The following MTM1 variants were observed in gnomAD, a reference collection of about 807,000 sequenced individuals.
MTM1 encodes myotubularin 1, also known as myotubularin.
In MTM1, 9 loss-of-function variants were observed where a neutral mutation model predicts 52.1. The ratio of observed to expected loss-of-function variants is 0.17; its 90% CI spans 0.10 to 0.30. The LOEUF is 0.30. Ranked by LOEUF, MTM1 falls within the 10% of genes least tolerant of loss-of-function variation. The pLI is 1.00. For synonymous variants in MTM1, 136 were observed against 163.8 expected, an observed-to-expected ratio of 0.83 and a Z score of 1.29; for missense variants, 277 against 470.7, an observed-to-expected ratio of 0.59 and a Z score of 3.81.
intron 10 of MTM1, among the ~76,000 whole-genome samples, chrX:150,656,341 A>C (rs1430598585): frequency 1.8e-5 from 2 of 111,165 alleles, no homozygotes; most frequent in East Asian, 5.6e-4. Flanking sequence ...GGACACAGAC[A>C]CACACACACA....
intron 1 of MTM1, among the ~76,000 whole-genome samples, chrX:150,589,025 G>T (rs1250240388): frequency 8.9e-6 from 1 of 112,016 alleles, no homozygotes; most frequent in Non-Finnish European, 1.9e-5. Flanking sequence ...TACAGGTGCT[G>T]TAAATAAATA....
chrX:150,645,570 G>T (rs1340707931), intron 8 of MTM1, 113 bp from the exon 9 acceptor site: 9 of 696,307 alleles, frequency 1.3e-5, no homozygotes, highest in Non-Finnish European at 2.0e-5. Context: ...TTCTATTTTA[G>T]CACAATCAGA....
chrX:150,671,503 C>T lies in MTM1; in HGVS notation c.1720C>T (p.Leu574=). Residue 574 remains leucine (L), a synonymous_variant, in exon 15 of 15, where the codon CTG becomes TTG. Coordinates refer to ENST00000370396, the MANE Select transcript of MTM1 (RefSeq NM_000252.3). ...RDEYIKRLEE[L]QLANSAKLSD... ...CGAATACATAAAGCGGCTTGAGGAA[C>T]TGCAGCTCGCCAACTCTGCCAAGCT... 1 of 1,211,073 alleles carries T rather than the reference C, an allele frequency of 8.3e-7. No individual in the cohort carries two copies. The highest frequency in any genetic ancestry group is 1.1e-6 in the Non-Finnish European group (1 of 895,336).
chrX:150,616,444 A>G (rs2039386776), intron 5 of MTM1, among the ~76,000 whole-genome samples: 1 of 111,899 alleles, frequency 8.9e-6, no homozygotes, highest in East Asian at 2.8e-4. Flanking sequence ...TTTCGCCTGC[A>G]GTCAATAACC....
At chrX:150,661,929 G>A (rs1174119379) in intron 13 of MTM1, among the ~76,000 whole-genome samples, 1 of 111,890 alleles carries the variant, frequency 8.9e-6, no homozygotes, top group Non-Finnish European at 1.9e-5. Context: ...TGTTCTCACT[G>A]CAAAAAAAAT....
intron 8 of MTM1, among the ~76,000 whole-genome samples, chrX:150,642,477 C>T (rs1366135947): frequency 8.9e-6 from 1 of 111,925 alleles, no homozygotes; most frequent in Non-Finnish European, 1.9e-5. Context: ...CTTGCTTCTC[C>T]AGTTAGTAGT....
chrX:150,592,457 G>A (rs1364203599), intron 1 of MTM1, 148 bp from the exon 2 acceptor site: 1 of 476,118 alleles, frequency 2.1e-6, no homozygotes, highest in East Asian at 3.7e-5. Flanking sequence ...TCGTTTGTAT[G>A]TCTTATTACC....
At chrX:150,615,312 G>A (rs1196362361) in intron 5 of MTM1, among the ~76,000 whole-genome samples, 19 of 111,547 alleles carry the variant, frequency 1.7e-4, no homozygotes, top group African/African-American at 5.9e-4. Flanking sequence ...GACCCAAAAG[G>A]TGGGGATGTG....
intron 13 of MTM1, 133 bp downstream of exon 13, chrX:150,660,617 T>C: frequency 2.0e-6 from 1 of 491,865 alleles, no homozygotes; most frequent in Admixed American, 3.0e-5. Context: ...ACATTAAAGG[T>C]ATGCATTTTG....
intron 10 of MTM1, among the ~76,000 whole-genome samples, chrX:150,657,477 G>A (rs782108759): frequency 1.1e-5 from 1 of 92,519 alleles, no homozygotes; most frequent in South Asian, 7.0e-4. Flanking sequence ...CCTGTTGTGG[G>A]GTGGGGGGAG....
chrX:150,625,976 G>A (rs1430288181), intron 6 of MTM1, among the ~76,000 whole-genome samples: 2 of 112,804 alleles, frequency 1.8e-5, no homozygotes, highest in Non-Finnish European at 3.7e-5. Flanking sequence ...TGCATGCAAA[G>A]GATGGAAGCA....
At chrX:150,562,756 G>A in the MTM1 span, among the ~76,000 whole-genome samples, 1 of 111,704 alleles carries the variant, frequency 9.0e-6, no homozygotes, top group Admixed American at 9.5e-5. Context: ...TGACCAGCGG[G>A]GCCTCCTCAA....
intron 1 of MTM1, among the ~76,000 whole-genome samples, chrX:150,587,175 AG>A (rs1395389442): frequency 9.0e-6 from 1 of 110,718 alleles, no homozygotes; most frequent in African/African-American, 3.3e-5. Flanking sequence ...GTGGGCGCAT[AG>A]TGGCATTTTG....
In MTM1 at chrX:150,663,561, A is replaced by G. The variant is rs782798100; in HGVS notation, c.1596A>G (p.Glu532=). The G allele has an allele frequency of 8.3e-7, 1 of 1,209,439 alleles. No homozygotes were observed. Among genetic ancestry groups the G allele is most frequent in the Non-Finnish European group, 1.1e-6 (1 of 895,049 alleles). ...LYPVASMRHL[E]LWVNYYIRWN... ...CAGTTGCCAGTATGCGTCACTTGGA[A>G]CTCTGGGTGAATTACTACATTAGAT... Residue 532 remains glutamate, a synonymous_variant, in exon 14 of 15, where the codon GAA becomes GAG. Coordinates refer to ENST00000370396, the MANE Select transcript of MTM1 (RefSeq NM_000252.3).
chrX:150,573,826 A>C (rs2038420730), intron 1 of MTM1, among the ~76,000 whole-genome samples: 1 of 112,289 alleles, frequency 8.9e-6, no homozygotes, highest in African/African-American at 3.2e-5. Flanking sequence ...GAAATAAGAA[A>C]TGTACCTGCC....
At chrX:150,578,101 C>T (rs1557411713) in intron 1 of MTM1, among the ~76,000 whole-genome samples, 1 of 111,942 alleles carries the variant, frequency 8.9e-6, no homozygotes, top group East Asian at 2.8e-4. Context: ...GAGAAGTTAT[C>T]CTGGGTAGGC....
chrX:150,586,078 G>A (rs1209588034), intron 1 of MTM1, among the ~76,000 whole-genome samples: 2 of 112,176 alleles, frequency 1.8e-5, no homozygotes, highest in Non-Finnish European at 3.8e-5. Flanking sequence ...TAAAGAAATA[G>A]GGGTAGGTAT....
chrX:150,583,460 T>A (rs868946843), intron 1 of MTM1, among the ~76,000 whole-genome samples: 12 of 26,313 alleles, frequency 4.6e-4, no homozygotes, highest in Non-Finnish European at 7.1e-4. Flanking sequence ...TTATATATAA[T>A]TATAAATATA....
intron 8 of MTM1, among the ~76,000 whole-genome samples, chrX:150,644,149 TAAA>T (rs1413652732): frequency 9.0e-5 from 10 of 111,229 alleles, no homozygotes; most frequent in African/African-American, 6.5e-5. Context: ...ATTAAAATAA[TAAA>T]AAATATTAAA....
Sources: allele counts gnomAD v4.1 joint callset (sites outside exome capture counted in the v4.1 genomes callset), GRCh38; gene constraint gnomAD v4.1.1; transcripts MANE v1.5; gene names NCBI Gene and HGNC (gene_info 2026-07-23, HGNC 2026-07-21).